Variants in ST7L observed in about 807,000 individuals in gnomAD.
ST7L encodes the protein suppression of tumorigenicity 7 like.
A neutral mutation model predicts 72.5 loss-of-function variants in ST7L; 57 were observed. That is an observed-to-expected ratio of 0.79 (90% CI 0.64 to 0.98). The LOEUF (loss-of-function observed/expected upper bound fraction) is 0.98. Among genes scored for constraint, ST7L ranks in the 50% least tolerant of loss-of-function variants. The pLI is 0.00. For synonymous variants in ST7L, 221 were observed against 240.9 expected (o/e 0.92, Z 0.77); for missense variants, 576 against 672.2 (o/e 0.86, Z 1.58).
chr1:112,574,033 GC>G (rs1662629315), intron 11 of ST7L, among the ~76,000 whole-genome samples: 1 of 142,188 alleles, frequency 7.0e-6, no homozygotes, highest in Non-Finnish European at 1.5e-5. Flanking sequence ...TCCTGCCTCA[GC>G]CCCCCAAGTA....
chr1:112,611,086 C>T lies in ST7L; in HGVS notation c.289-83G>A, dbSNP rs576814930. On this transcript the variant is annotated intron_variant, in intron 2 of 14. Transcript: ENST00000358039. ...AATTAAAACATTCTCTCAAGATGTC[C>T]TGTTCAATTCAGCATTTTAAATGCA... The T allele has an allele frequency of 1.5e-5, 21 of 1,360,418 alleles. No individual in the cohort carries two copies. In the South Asian group the frequency reaches 1.9e-4, roughly 13 times the overall value. 84.3% of individuals were successfully genotyped at this position (1,360,418 alleles called of 1,614,324 possible). A position where few individuals can be genotyped will look rare whatever the true frequency, so the allele number is the denominator to read the frequency against.
intron 13 of ST7L, among the ~76,000 whole-genome samples, chr1:112,546,663 C>G (rs1461384450): frequency 1.3e-5 from 2 of 152,170 alleles, no homozygotes; most frequent in East Asian, 3.9e-4. Context: ...GTCCCCAGTT[C>G]TAGTCCCTTA....
intron 4 of ST7L, 92 bp downstream of exon 4, chr1:112,600,702 G>C (rs1188034146): frequency 1.9e-6 from 2 of 1,070,308 alleles, no homozygotes; most frequent in Admixed American, 2.2e-5. Flanking sequence ...TCTACTAGAA[G>C]AGCTGCGATA....
Position 112,568,863 on chromosome 1 carries a change from T to TATATATAA in ST7L, c.1245+8122_1245+8123insTTATATAT, listed in dbSNP as rs1553247582. Among the ~76,000 whole-genome samples, 154 of 83,306 alleles carry TATATATAA rather than the reference T, an allele frequency of 1.8e-3. 1 individual carries two copies. The highest frequency in any genetic ancestry group is 5.5e-3 in the African/African-American group (143 of 25,938). The allele number at this position is 83,306 out of a possible 152,430, so 54.7% of individuals were successfully genotyped here. On this transcript the variant is annotated intron_variant, in intron 11 of 14. Transcript: ENST00000358039. ...TGTTTTTTATAAATATAAATATAAA[T>TATATATAA]ATATATATATATATATATATATATA...
rs992101489 is a variant in ST7L at position 112,615,264 on chromosome 1, A to C, written c.288+1549T>G. 1.8e-3 allele frequency among the ~76,000 whole-genome samples: 270 copies of C among 152,252 alleles called. 2 individuals are homozygous for C. The highest frequency in any genetic ancestry group is 6.1e-3 in the African/African-American group (254 of 41,544). On this transcript the variant is annotated intron_variant, in intron 2 of 14. Transcript: ENST00000358039. Reference sequence around the variant, plus strand: ...CTCCCAAAGTGCTAGGATTACAGGTATGAACCACTGTATCAGGCCAAACAG... The same window carrying C: ...CTCCCAAAGTGCTAGGATTACAGGTCTGAACCACTGTATCAGGCCAAACAG...
At chr1:112,558,479 C>T (rs1041493532) in intron 11 of ST7L, among the ~76,000 whole-genome samples, 6 of 152,138 alleles carry the variant, frequency 3.9e-5, no homozygotes, top group African/African-American at 1.2e-4. Flanking sequence ...AATAATTTTT[C>T]GATTTATGAA....
intron 6 of ST7L, among the ~76,000 whole-genome samples, chr1:112,590,918 A>G (rs960344998): frequency 1.4e-5 from 2 of 144,770 alleles, no homozygotes; most frequent in Non-Finnish European, 3.0e-5. Context: ...ATACATTTGT[A>G]TTTTAGTACC....
intron 11 of ST7L, among the ~76,000 whole-genome samples, chr1:112,565,102 T>A (rs1297612521): frequency 6.6e-6 from 1 of 151,102 alleles, no homozygotes; most frequent in African/African-American, 2.4e-5. Flanking sequence ...TGGAGTGCAA[T>A]GGCGCGATCT....
chr1:112,594,407 A>G (rs1483411878), intron 5 of ST7L, among the ~76,000 whole-genome samples: 1 of 152,178 alleles, frequency 6.6e-6, no homozygotes, highest in Non-Finnish European at 1.5e-5. Flanking sequence ...CATTGGAAAG[A>G]AAGTATTCTG....
intron 14 of ST7L, among the ~76,000 whole-genome samples, chr1:112,531,265 A>G (rs1654341970): frequency 6.6e-6 from 1 of 151,674 alleles, no homozygotes. Flanking sequence ...GCTTTTGTCT[A>G]AGGCAATTAC....
intron 9 of ST7L, among the ~76,000 whole-genome samples, 154 bp downstream of exon 9, chr1:112,581,838 C>T (rs182239390): frequency 1.3e-5 from 2 of 152,194 alleles, no homozygotes; most frequent in Admixed American, 1.3e-4. Context: ...TAATGAAAGT[C>T]CTGATAAAGA....
intron 2 of ST7L, among the ~76,000 whole-genome samples, chr1:112,615,409 A>G (rs570011071): frequency 1.3e-5 from 2 of 152,220 alleles, no homozygotes; most frequent in Non-Finnish European, 2.9e-5. Context: ...AATCCTATAA[A>G]GTTCATGCTA....
chr1:112,540,768 A>C, intron 14 of ST7L: 1 of 1,271,996 alleles, frequency 7.9e-7, no homozygotes, highest in East Asian at 5.6e-5. Flanking sequence ...AAAATACAGA[A>C]AATACATTAC....
At chr1:112,585,278 C>T (rs2101901087) in intron 6 of ST7L, among the ~76,000 whole-genome samples, 1 of 152,302 alleles carries the variant, frequency 6.6e-6, no homozygotes, top group South Asian at 2.1e-4. Flanking sequence ...ACGGCACTGT[C>T]CAGTATTCTA....
chr1:112,581,978 G>GTT lies in ST7L; in HGVS notation c.1069+13_1069+14insAA. 1 of 1,434,370 alleles carries GTT rather than the reference G, an allele frequency of 7.0e-7. No individual in the cohort carries two copies. Among genetic ancestry groups the GTT allele is most frequent in the Non-Finnish European group, 9.8e-7 (1 of 1,017,670 alleles). 88.9% of individuals were successfully genotyped at this position (1,434,370 alleles called of 1,614,324 possible). A position where few individuals can be genotyped will look rare whatever the true frequency, so the allele number is the denominator to read the frequency against. On this transcript the variant is annotated intron_variant, in intron 9 of 14. Coordinates refer to ENST00000358039, the MANE Select transcript of ST7L (RefSeq NM_017744.5). The stretch of plus-strand genomic sequence containing the variant: ...AAGAATAACCATGCTATCAACTAAG[G>GTT]GAATATGACTCACCATCATATTTTG...
intron 11 of ST7L, among the ~76,000 whole-genome samples, chr1:112,559,983 GA>G (rs927269438): frequency 2.0e-4 from 30 of 148,346 alleles, no homozygotes; most frequent in African/African-American, 2.0e-4. Context: ...ATTTCAAAAA[GA>G]AAAAAAAATC....
In ST7L at chr1:112,583,965, T is replaced by G; in HGVS notation, c.856+7A>C. ...AAGACAGTAATAACCAGTTCAAACTTGCTTACTCAGTTGAGCTTCATGCTG... is the reference window on the plus strand; with the variant it reads ...AAGACAGTAATAACCAGTTCAAACTGGCTTACTCAGTTGAGCTTCATGCTG... On this transcript the variant is annotated splice_region_variant and intron_variant, in intron 7 of 14. Transcript: ENST00000358039. The G allele has an allele frequency of 6.2e-7, 1 of 1,612,686 alleles. No homozygotes were observed. The highest frequency in any genetic ancestry group is 8.5e-7 in the Non-Finnish European group (1 of 1,179,516).
chr1:112,589,861 T>C (rs1157207417), intron 6 of ST7L, among the ~76,000 whole-genome samples: 1 of 152,236 alleles, frequency 6.6e-6, no homozygotes. Flanking sequence ...CTCAAGTCTT[T>C]TCTGAGCATA....
intron 9 of ST7L, among the ~76,000 whole-genome samples, chr1:112,580,233 C>T (rs2101860093): frequency 6.6e-6 from 1 of 152,324 alleles, no homozygotes; most frequent in South Asian, 2.1e-4. Flanking sequence ...ACTGCAACCT[C>T]TACCTCCCAG....
Sources: gnomAD v4.1 joint callset for allele counts (sites outside exome capture counted in the v4.1 genomes callset) on GRCh38, gnomAD v4.1.1 for gene constraint, MANE v1.5 for transcripts, NCBI Gene and HGNC (gene_info 2026-07-23, HGNC 2026-07-21) for gene names.